Variants in CLYBL observed in about 807,000 individuals in gnomAD.
CLYBL encodes citramalyl-CoA lyase, mitochondrial.
A neutral mutation model predicts 38.9 loss-of-function variants in CLYBL; 31 were observed. The ratio of observed to expected loss-of-function variants is 0.80; its 90% CI spans 0.60 to 1.08. CLYBL has a LOEUF of 1.08. Among genes scored for constraint, CLYBL ranks in the 50% least tolerant of loss-of-function variants. The pLI, the probability that CLYBL is intolerant of heterozygous loss-of-function variation, is 0.00. For missense variants in CLYBL, 434 were observed against 411.6 expected (o/e 1.05, Z -0.47); for synonymous variants, 171 against 158.6 (o/e 1.08, Z -0.59).
intron 2 of CLYBL, among the ~76,000 whole-genome samples, chr13:99,800,763 A>G (rs149450898): frequency 2.2e-3 from 338 of 152,124 alleles, no homozygotes; most frequent in African/African-American, 7.6e-3. Context: ...AGTCCCAGCT[A>G]CTCAAGAGGC....
At chr13:99,896,052 C>CG (rs1555326799), downstream of CLYBL, 1 of 151,356 alleles carries the variant, frequency 6.6e-6, no homozygotes, top group Non-Finnish European at 1.5e-5. Context: ...CCGAGCCCTG[C>CG]GGAGCCCCGA....
At chr13:99,906,436 C>T (rs201626735) in intron 9 of CLYBL, among the ~76,000 whole-genome samples, 4 of 149,936 alleles carry the variant, frequency 2.7e-5, no homozygotes, top group Non-Finnish European at 3.0e-5. Context: ...TTTGAGTTTT[C>T]TTTTTTTTTT....
At chr13:99,691,039 T>C (rs942006572) in intron 1 of CLYBL, 4 of 152,150 alleles carry the variant, frequency 2.6e-5, no homozygotes, top group African/African-American at 9.7e-5. Context: ...CTGGATTGAG[T>C]GTCTCTCCTG....
At chr13:99,706,166 G>A (rs1033480577) in intron 1 of CLYBL, among the ~76,000 whole-genome samples, 9 of 151,946 alleles carry the variant, frequency 5.9e-5, no homozygotes, top group Non-Finnish European at 7.4e-5. Flanking sequence ...TCCTAACCTC[G>A]TGATCCACCC....
intron 2 of CLYBL, among the ~76,000 whole-genome samples, chr13:99,843,313 G>A (rs1179828074): frequency 6.6e-6 from 1 of 152,178 alleles, no homozygotes; most frequent in Non-Finnish European, 1.5e-5. Context: ...GGGAATCAGG[G>A]CAACTGTCAC....
Position 99,634,209 on chromosome 13 carries a change from G to T in CLYBL, c.62+27452G>T, listed in dbSNP as rs530571666. 6.6e-5 allele frequency among the ~76,000 whole-genome samples: 10 copies of T among 152,278 alleles called. No individual in the cohort carries two copies. The East Asian group carries it at 1.5e-3, about 23-fold the overall frequency. On this transcript the variant is annotated intron_variant, in intron 1 of 8. Transcript: ENST00000339105. ...AAACAGTGGAGAGTAGAAGGTAAAC[G>T]TATTGAAAGACAAAATATCAACCCA...
At chr13:99,885,379 G>T (rs1348173689) in intron 7 of CLYBL, among the ~76,000 whole-genome samples, 1 of 152,160 alleles carries the variant, frequency 6.6e-6, no homozygotes, top group Non-Finnish European at 1.5e-5. Context: ...GGTGTGTGTT[G>T]GGGTACAGGC....
chr13:99,780,385 T>G (rs1276278866), intron 2 of CLYBL, among the ~76,000 whole-genome samples: 1 of 152,192 alleles, frequency 6.6e-6, no homozygotes, highest in African/African-American at 2.4e-5. Flanking sequence ...GTTGACAATT[T>G]CACTCTTTTT....
intron 1 of CLYBL, among the ~76,000 whole-genome samples, chr13:99,618,622 T>A (rs79739050): frequency 0.028 from 4,283 of 152,150 alleles, 200 homozygotes; most frequent in African/African-American, 0.097. Flanking sequence ...ACATTCACAT[T>A]GTTGTACAAC....
intron 1 of CLYBL, among the ~76,000 whole-genome samples, chr13:99,719,153 A>ATT (rs34168768): frequency 1.3e-3 from 178 of 135,658 alleles, no homozygotes; most frequent in Non-Finnish European, 1.5e-3. Flanking sequence ...CACAAGGCCT[A>ATT]TTTTTTTTTT....
intron 2 of CLYBL, among the ~76,000 whole-genome samples, chr13:99,848,872 C>T (rs1280533465): frequency 1.3e-5 from 2 of 152,200 alleles, no homozygotes; most frequent in Non-Finnish European, 2.9e-5. Flanking sequence ...AGTACCGTGG[C>T]TCACGCCGAA....
intron 1 of CLYBL, among the ~76,000 whole-genome samples, chr13:99,639,515 T>C (rs916956108): frequency 2.0e-5 from 3 of 152,228 alleles, no homozygotes; most frequent in Admixed American, 2.0e-4. Context: ...TAAATGCATT[T>C]ATATGTAACA....
At chr13:99,647,222 A>G (rs1024026195) in intron 1 of CLYBL, among the ~76,000 whole-genome samples, 1 of 152,228 alleles carries the variant, frequency 6.6e-6, no homozygotes, top group Non-Finnish European at 1.5e-5. Flanking sequence ...ACAAAAAACT[A>G]CTTAGAATTT....
At chr13:99,761,010 A>C (rs1217043849) in intron 1 of CLYBL, among the ~76,000 whole-genome samples, 1 of 152,178 alleles carries the variant, frequency 6.6e-6, no homozygotes, top group African/African-American at 2.4e-5. Context: ...ACTTCTCTTC[A>C]TACCCACTTT....
chr13:99,839,295 C>G (rs2051011305), intron 2 of CLYBL, among the ~76,000 whole-genome samples: 1 of 152,154 alleles, frequency 6.6e-6, no homozygotes, highest in Non-Finnish European at 1.5e-5. Flanking sequence ...ATGATCAGAA[C>G]TAGGAGGGTT....
chr13:99,721,516 T>C (rs1176465951), intron 1 of CLYBL, among the ~76,000 whole-genome samples: 2 of 151,996 alleles, frequency 1.3e-5, no homozygotes, highest in Admixed American at 6.6e-5. Context: ...CTAGGGTACA[T>C]GTGCACAACG....
At chr13:99,816,873 T>C (rs1235624874) in intron 2 of CLYBL, among the ~76,000 whole-genome samples, 1 of 152,196 alleles carries the variant, frequency 6.6e-6, no homozygotes, top group Non-Finnish European at 1.5e-5. Flanking sequence ...ATATGCCAAC[T>C]GTTTTCTAGT....
At chr13:99,685,778 A>G (rs977810331) in intron 1 of CLYBL, among the ~76,000 whole-genome samples, 2 of 152,060 alleles carry the variant, frequency 1.3e-5, no homozygotes, top group African/African-American at 2.4e-5. Flanking sequence ...CCTGGCCAAC[A>G]TGGTGAAACC....
At chr13:99,799,504 C>G (rs1295616433) in intron 2 of CLYBL, among the ~76,000 whole-genome samples, 2 of 152,148 alleles carry the variant, frequency 1.3e-5, no homozygotes, top group Non-Finnish European at 2.9e-5. Flanking sequence ...GCTTGCAGGA[C>G]TTGCCAATTT....
Sources: allele counts gnomAD v4.1 joint callset (sites outside exome capture counted in the v4.1 genomes callset), GRCh38; gene constraint gnomAD v4.1.1; transcripts MANE v1.5; gene names NCBI Gene and HGNC (gene_info 2026-07-23, HGNC 2026-07-21).